DMXL2: variants seen among roughly 807,000 people sequenced by gnomAD.
DMXL2 encodes Dmx like 2, also known as dmX-like protein 2.
A neutral mutation model predicts 331.1 loss-of-function variants in DMXL2; 103 were observed. The ratio of observed to expected loss-of-function variants is 0.31; its 90% CI spans 0.27 to 0.37. The LOEUF is 0.37. Among genes scored for constraint, DMXL2 ranks in the 10% least tolerant of loss-of-function variants. DMXL2 has a pLI of 1.00. For missense variants in DMXL2, 3,171 were observed against 3,642.9 expected, an observed-to-expected ratio of 0.87 and a Z score of 3.33; for synonymous variants, 1,281 against 1,252.1, an observed-to-expected ratio of 1.02 and a Z score of -0.49.
intron 13 of DMXL2, among the ~76,000 whole-genome samples, chr15:51,527,273 T>C (rs1368368452): frequency 6.6e-6 from 1 of 151,910 alleles, no homozygotes; most frequent in Non-Finnish European, 1.5e-5. Flanking sequence ...AAATTTACCC[T>C]AGAAGAGTGT....
intron 18 of DMXL2, among the ~76,000 whole-genome samples, chr15:51,495,909 T>TATCC (rs2043141535): frequency 6.6e-6 from 1 of 152,112 alleles, no homozygotes; most frequent in Admixed American, 6.5e-5. Context: ...CCATTACCTA[T>TATCC]ATCCATCCAT....
In DMXL2 at chr15:51,480,833, T is replaced by C. The variant is rs1284143090; in HGVS notation, c.6273A>G (p.Glu2091=). 2 of 1,612,700 alleles carry C rather than the reference T, an allele frequency of 1.2e-6. No individual in the cohort carries two copies. The highest frequency in any genetic ancestry group is 2.2e-5 in the South Asian group (2 of 90,790). The change falls in exon 24 of 44, where the codon GAA becomes GAG. Residue 2091 remains glutamate (E), a synonymous_variant. Transcript: ENST00000560891. ...TACTGGAATACTCTTTAATAACTGA[T>C]TCATGATTACATATCTCATGCAAGG... ...IAALHEICNH[E]SVIKEYSSKT...
intron 9 of DMXL2, among the ~76,000 whole-genome samples, chr15:51,538,863 G>T (rs2048427870): frequency 6.6e-6 from 1 of 152,172 alleles, no homozygotes; most frequent in Non-Finnish European, 1.5e-5. Context: ...GGAGATACTT[G>T]CTAATGTAAG....
chr15:51,510,142 A>G (rs1030402003), intron 15 of DMXL2, among the ~76,000 whole-genome samples: 2 of 152,188 alleles, frequency 1.3e-5, no homozygotes, highest in Non-Finnish European at 2.9e-5. Context: ...TTTGAAAAGC[A>G]GCACAAGACA....
Position 51,449,132 on chromosome 15 carries a change from G to T in DMXL2, c.9029C>A (p.Ser3010Tyr). The change falls in exon 44 of 44, where the codon TCC becomes TAC. Residue 3010 changes from serine (S) to tyrosine (Y), a missense_variant. Physicochemically the swap from Ser to Tyr is moderately radical, Grantham distance 144 (BLOSUM62 -2). Coordinates refer to ENST00000560891, the MANE Select transcript of DMXL2 (RefSeq NM_001378457.1). The part of the protein sequence containing the change: ...HSFKSEHAKQ[S>Y]IFRNIGAGVM... ...TCCAGCCCCAATGTTTCGAAATATG[G>T]ACTGCTTAGCATGTTCACTTTTAAA... The T allele has an allele frequency of 1.9e-6, 3 of 1,614,160 alleles. No homozygotes were observed. The highest frequency in any genetic ancestry group is 3.3e-4 in the Middle Eastern group (2 of 6,062).
rs2040007521 is a variant in DMXL2, at chr15:51,460,393, C to T, written c.7927-733G>A. 5 of 985,116 alleles carry T rather than the reference C, an allele frequency of 5.1e-6. No homozygotes were observed. In the South Asian group the frequency reaches 2.3e-4, roughly 46 times the overall value. The allele number at this position is 985,116 out of a possible 1,614,324, so 61.0% of individuals were successfully genotyped here. On this transcript the variant is annotated intron_variant, in intron 33 of 43. Transcript: ENST00000560891. ...GCTGCTGCAGCTGATAAAGATGCAT[C>T]CAAGAAAACTTCCAAGGAATGGTCA...
intron 10 of DMXL2, 51 bp downstream of exon 10, chr15:51,538,162 C>T: frequency 6.4e-7 from 1 of 1,559,208 alleles, no homozygotes; most frequent in Non-Finnish European, 8.7e-7. Context: ...AGTGGTACCA[C>T]AGAAAGCTGT....
In DMXL2 at chr15:51,588,814, G is replaced by C. The variant is rs377740385; in HGVS notation, c.88-12633C>G. The stretch of plus-strand genomic sequence containing the variant: ...TAGAGGAGCTAACACTGTAACAATG[G>C]GTATATCACAATCTTCCTATAGATG... On this transcript the variant is annotated intron_variant, in intron 1 of 43. Transcript: ENST00000560891. Among the ~76,000 whole-genome samples the C allele has an allele frequency of 1.7e-4, 26 of 152,140 alleles. 1 individual carries two copies. In the East Asian group the frequency reaches 2.9e-3, roughly 17 times the overall value.
Position 51,517,092 on chromosome 15 carries a change from C to T in DMXL2, c.2512G>A (p.Ala838Thr), listed in dbSNP as rs199866251. Reference protein sequence around the residue: ...ARPGCIIELDAITNQCGSNTQ... With the variant: ...ARPGCIIELDTITNQCGSNTQ... ...CATGTTTTTACTTGGTTGGTTATTG[C>T]GTCGAGTTCAATAATGCAGCCAGGT... The change falls in exon 14 of 44, where the codon GCA becomes ACA. Residue 838 changes from alanine to threonine, a missense_variant. This residue lies in a region of DMXL2 where 1,674 missense variants were observed against 1,780.2 expected (regional missense o/e 0.94). Transcript: ENST00000560891. 6.6e-5 allele frequency: 107 copies of T among 1,613,502 alleles called. No individual in the cohort carries two copies. Among genetic ancestry groups the T allele is most frequent in the Admixed American group, 1.2e-4 (7 of 59,996 alleles).
chr15:51,463,000 T>C (rs1379914182), intron 33 of DMXL2: 1 of 157,280 alleles, frequency 6.4e-6, no homozygotes, highest in Non-Finnish European at 1.4e-5. Context: ...TTCTAAGTGC[T>C]AAGTAAAGAA....
chr15:51,571,303 A>G (rs2050654905), intron 2 of DMXL2, among the ~76,000 whole-genome samples: 2 of 152,226 alleles, frequency 1.3e-5, no homozygotes, highest in Non-Finnish European at 2.9e-5. Context: ...TTAAAGACCT[A>G]CAAAGAGACT....
At chr15:51,511,664 A>G (rs996586259) in intron 15 of DMXL2, among the ~76,000 whole-genome samples, 1 of 152,184 alleles carries the variant, frequency 6.6e-6, no homozygotes. Context: ...CAGAAATACC[A>G]TTTGACCCAG....
intron 6 of DMXL2, among the ~76,000 whole-genome samples, chr15:51,558,779 C>G (rs1308297927): frequency 1.3e-5 from 2 of 152,200 alleles, no homozygotes; most frequent in Non-Finnish European, 2.9e-5. Flanking sequence ...AAGTGAGATA[C>G]TGAAATTTTA....
intron 6 of DMXL2, among the ~76,000 whole-genome samples, chr15:51,559,356 C>A (rs1393626040): frequency 6.6e-6 from 1 of 152,218 alleles, no homozygotes; most frequent in Non-Finnish European, 1.5e-5. Context: ...AATCAGTCAT[C>A]CAAATACCCA....
Position 51,498,467 on chromosome 15 carries a change from G to A in DMXL2, c.4672+85C>T. 5 of 1,359,804 alleles carry A rather than the reference G, an allele frequency of 3.7e-6. No individual in the cohort carries two copies. In the South Asian group the frequency reaches 7.3e-5, roughly 20 times the overall value. 84.2% of individuals were successfully genotyped at this position (1,359,804 alleles called of 1,614,324 possible). ...CCTGCAAAGTTTGAAAGTTGAGACTGCAATTCAGTAAATGAGTCAGTATAG... is the reference window on the plus strand; with the variant it reads ...CCTGCAAAGTTTGAAAGTTGAGACTACAATTCAGTAAATGAGTCAGTATAG... On this transcript the variant is annotated intron_variant, in intron 18 of 43. Transcript: ENST00000560891.
At chr15:51,586,712 G>C (rs774087532) in intron 1 of DMXL2, among the ~76,000 whole-genome samples, 10 of 151,978 alleles carry the variant, frequency 6.6e-5, no homozygotes, top group Admixed American at 5.9e-4. Context: ...TGATAAAGAA[G>C]AAAAACGTGT....
intron 42 of DMXL2, among the ~76,000 whole-genome samples, chr15:51,451,372 G>C (rs1171676618): frequency 6.6e-6 from 1 of 152,166 alleles, no homozygotes; most frequent in Non-Finnish European, 1.5e-5. Flanking sequence ...TTCTTAAATA[G>C]CCTTGTTAGT....
chr15:51,586,887 C>G (rs1398176350), intron 1 of DMXL2, among the ~76,000 whole-genome samples: 2 of 151,374 alleles, frequency 1.3e-5, no homozygotes, highest in Non-Finnish European at 2.9e-5. Context: ...AATCAAAAAT[C>G]TTATATCTTA....
Position 51,563,420 on chromosome 15 carries a change from T to G in DMXL2, c.528A>C (p.Glu176Asp). Residue 176 changes from glutamate to aspartate, a missense_variant, in exon 6 of 44, where the codon GAA becomes GAC. Around this residue, in one of 7 missense-constraint regions of DMXL2, gnomAD observed 1,674 missense variants for 1,780.2 expected, o/e 0.94. Transcript: ENST00000560891. ...CAAAATATTCACCATCAGGAGACCA[T>G]TCCATCAAATGTACAGATACTGAGG... is the stretch of plus-strand genomic sequence containing the variant. ...CKTSVSVHLM[E>D]WSPDGEYFAT... is the part of the protein sequence containing the mutation. 1 of 1,609,936 alleles carries G rather than the reference T, an allele frequency of 6.2e-7. No individual in the cohort carries two copies. Among genetic ancestry groups the G allele is most frequent in the Non-Finnish European group, 8.5e-7 (1 of 1,178,250 alleles).
Sources: gnomAD v4.1 joint callset for allele counts (sites outside exome capture counted in the v4.1 genomes callset) on GRCh38, gnomAD v4.1.1 for gene constraint, gnomAD v4.1.1 regional missense constraint, MANE v1.5 for transcripts, NCBI Gene and HGNC (gene_info 2026-07-23, HGNC 2026-07-21) for gene names.